ZNF555: variants seen among roughly 807,000 people sequenced by gnomAD.
ZNF555 encodes zinc finger protein 555.
ZNF555 carries 10 observed loss-of-function variants against 14.0 expected under a neutral mutation model. The observed-to-expected ratio is 0.72, with a 90% CI of 0.44 to 1.21. The LOEUF (loss-of-function observed/expected upper bound fraction) is 1.21. ZNF555 is among the 50% of genes most tolerant of loss of function. The pLI, the probability that ZNF555 is intolerant of heterozygous loss-of-function variation, is 0.00. For synonymous variants in ZNF555, 277 were observed against 262.4 expected, an observed-to-expected ratio of 1.06 and a Z score of -0.54; for missense variants, 747 against 762.0, an observed-to-expected ratio of 0.98 and a Z score of 0.23.
chr19:2,844,474 G>A (rs1189843051), intron 1 of ZNF555, among the ~76,000 whole-genome samples: 1 of 152,110 alleles, frequency 6.6e-6, no homozygotes, highest in Non-Finnish European at 1.5e-5. Context: ...CCTGACCTCA[G>A]GTGGCCCGCC....
At chr19:2,852,269 T>C in intron 3 of ZNF555, 111 bp from the exon 4 acceptor site, 2 of 1,300,502 alleles carry the variant, frequency 1.5e-6, no homozygotes, top group South Asian at 2.7e-5. Flanking sequence ...ACAGTTCCCA[T>C]GGGGTGAAAA....
Position 2,852,476 on chromosome 19 carries a change from A to T in ZNF555, c.411A>T (p.Pro137=). Residue 137 remains proline (P), a synonymous_variant, in exon 4 of 4, where the codon CCA becomes CCT. Coordinates refer to ENST00000334241, the MANE Select transcript of ZNF555 (RefSeq NM_152791.5). Reference sequence around the variant, plus strand: ...ATCTTAATCTGTACAAGAAAATTCCACCTGGAGTAAAACAGTATGAATACA... The same window carrying T: ...ATCTTAATCTGTACAAGAAAATTCCTCCTGGAGTAAAACAGTATGAATACA... ...IPHLNLYKKI[P]PGVKQYEYNT... 6.2e-7 allele frequency: 1 copy of T among 1,614,128 alleles called. No individual in the cohort carries two copies. Among genetic ancestry groups the T allele is most frequent in the Non-Finnish European group, 8.5e-7 (1 of 1,180,026 alleles).
At chr19:2,842,479 A>C (rs555141996) in intron 1 of ZNF555, among the ~76,000 whole-genome samples, 137 of 152,330 alleles carry the variant, frequency 9.0e-4, no homozygotes, top group Non-Finnish European at 5.0e-4. Context: ...ACTGACTGCA[A>C]ACGAGGGGGC....
At chr19:2,841,720 C>T (rs11667713) in intron 1 of ZNF555, 145 bp downstream of exon 1, 451,665 of 977,608 alleles carry the variant, frequency 0.46, 106,188 homozygotes, top group South Asian at 0.64. Flanking sequence ...CCGGGGGTCC[C>T]GCCCGGCCCC....
rs918454590 is a variant in ZNF555, at chr19:2,859,060, C to T, written c.*5108C>T. The T allele has an allele frequency of 1.1e-4, 17 of 152,374 alleles. 1 individual carries two copies. Among genetic ancestry groups the T allele is most frequent in the African/African-American group, 2.9e-4 (12 of 41,468 alleles). The allele number at this position is 152,374 out of a possible 1,614,324, so 9.4% of individuals were successfully genotyped here. On this transcript the variant is annotated 3_prime_UTR_variant, in exon 4 of 4. Transcript: ENST00000334241. ...AGCCTCAAAGCGCGCAGCCTCAGCC[C>T]ATTGGCCTGCGGGAAGTGGAGTTCC...
Position 2,854,163 on chromosome 19 carries a change from T to A in ZNF555, c.*211T>A. ...AGTGTATTTTTAATATGCAAGTAGG[T>A]TCAAGTTTTATTTAATTTCTTAAAT... On this transcript the variant is annotated 3_prime_UTR_variant, in exon 4 of 4. Coordinates refer to ENST00000334241, the MANE Select transcript of ZNF555 (RefSeq NM_152791.5). 1 of 573,248 alleles carries A rather than the reference T, an allele frequency of 1.7e-6. No homozygotes were observed. Among genetic ancestry groups the A allele is most frequent in the Admixed American group, 3.6e-5 (1 of 27,594 alleles). 35.5% of individuals were successfully genotyped at this position (573,248 alleles called of 1,614,324 possible).
rs2087722986 is a variant in ZNF555, at chr19:2,860,450, T to G, written c.*6498T>G. 6.6e-6 allele frequency: 1 copy of G among 152,160 alleles called. No homozygotes were observed. Among genetic ancestry groups the G allele is most frequent in the South Asian group, 2.1e-4 (1 of 4,828 alleles). 9.4% of individuals were successfully genotyped at this position (152,160 alleles called of 1,614,324 possible). A position where few individuals can be genotyped will look rare whatever the true frequency, so the allele number is the denominator to read the frequency against. ...GTTGAGAGGCATATATTTATTGCAC[T>G]ATTAAATTCTTCCAAAATATAGTTA... On this transcript the variant is annotated 3_prime_UTR_variant, in exon 4 of 4. Coordinates refer to ENST00000334241, the MANE Select transcript of ZNF555 (RefSeq NM_152791.5).
rs1027277486 is a variant in ZNF555, at chr19:2,859,910, GTTC to G, written c.*5963_*5965del. Reference sequence around the variant, plus strand: ...GCCTGGACATTAAGTATTTCTTGATGTTCTTCTGTGTAACAGGTGATGTCCTAG... The same window carrying G: ...GCCTGGACATTAAGTATTTCTTGATGTTCTGTGTAACAGGTGATGTCCTAG... On this transcript the variant is annotated 3_prime_UTR_variant, in exon 4 of 4. Coordinates refer to ENST00000334241, the MANE Select transcript of ZNF555 (RefSeq NM_152791.5). The G allele has an allele frequency of 2.6e-5, 4 of 152,218 alleles. No homozygotes were observed. The highest frequency in any genetic ancestry group is 9.7e-5 in the African/African-American group (4 of 41,440). The allele number at this position is 152,218 out of a possible 1,614,324, so 9.4% of individuals were successfully genotyped here.
rs1386276888 is a variant in ZNF555, at chr19:2,855,370, G to T, written c.*1418G>T. The stretch of plus-strand genomic sequence containing the variant: ...GTTTGAGACCAGCCTGGTTAACATG[G>T]TGAAACCCTGTCTCTACTAAAAACA... On this transcript the variant is annotated 3_prime_UTR_variant, in exon 4 of 4. Transcript: ENST00000334241. 1 of 152,126 alleles carries T rather than the reference G, an allele frequency of 6.6e-6. No homozygotes were observed. The highest frequency in any genetic ancestry group is 1.5e-5 in the Non-Finnish European group (1 of 68,038). 9.4% of individuals were successfully genotyped at this position (152,126 alleles called of 1,614,324 possible). A position where few individuals can be genotyped will look rare whatever the true frequency, so the allele number is the denominator to read the frequency against.
chr19:2,856,747 G>C lies in ZNF555; in HGVS notation c.*2795G>C, dbSNP rs2087686317. The C allele has an allele frequency of 1.3e-5, 2 of 152,184 alleles. No homozygotes were observed. The highest frequency in any genetic ancestry group is 3.2e-3 in the Middle Eastern group (1 of 316). The allele number at this position is 152,184 out of a possible 1,614,324, so 9.4% of individuals were successfully genotyped here. The stretch of plus-strand genomic sequence containing the variant: ...TTTTGGTGAGCGTTCAAGGAAGCCA[G>C]GCTTTGGTCTGGATTGGATGTTCTC... On this transcript the variant is annotated 3_prime_UTR_variant, in exon 4 of 4. Coordinates refer to ENST00000334241, the MANE Select transcript of ZNF555 (RefSeq NM_152791.5).
intron 3 of ZNF555, 24 bp from the exon 4 acceptor site, chr19:2,852,356 C>T (rs1372928342): frequency 6.2e-7 from 1 of 1,612,830 alleles, no homozygotes; most frequent in Non-Finnish European, 8.5e-7. Context: ...TTAATCAAAC[C>T]AATAACATGC....
chr19:2,849,675 A>G (rs1407033844), intron 1 of ZNF555, among the ~76,000 whole-genome samples: 1 of 148,920 alleles, frequency 6.7e-6, no homozygotes, highest in East Asian at 2.0e-4. Context: ...TTCAGTAGAG[A>G]TGAGGTTTCA....
chr19:2,853,283 T>C lies in ZNF555; in HGVS notation c.1218T>C (p.Ser406=). 1 of 1,614,068 alleles carries C rather than the reference T, an allele frequency of 6.2e-7. No individual in the cohort carries two copies. The highest frequency in any genetic ancestry group is 1.1e-5 in the South Asian group (1 of 91,072). Reference sequence around the variant, plus strand: ...GCAACCAGTGCGGGAAAGCATTCAGTCACCCCTCCTCCTTTCGAGGACACA... The same window carrying C: ...GCAACCAGTGCGGGAAAGCATTCAGCCACCCCTCCTCCTTTCGAGGACACA... ...YECNQCGKAF[S]HPSSFRGHMR... is the part of the protein sequence containing the mutation. Residue 406 remains serine, a synonymous_variant, in exon 4 of 4, where the codon AGT becomes AGC. Transcript: ENST00000334241.
In ZNF555 at chr19:2,854,553, A is replaced by T. The variant is rs2087667736; in HGVS notation, c.*601A>T. On this transcript the variant is annotated 3_prime_UTR_variant, in exon 4 of 4. Coordinates refer to ENST00000334241, the MANE Select transcript of ZNF555 (RefSeq NM_152791.5). ...CATTTCCTTTATGGTTCCATGTCCA[A>T]ATTTACCAATAGCAATAACTTGAAT... The T allele has an allele frequency of 6.5e-6, 1 of 153,368 alleles. No homozygotes were observed. The highest frequency in any genetic ancestry group is 2.4e-5 in the African/African-American group (1 of 41,440). 9.5% of individuals were successfully genotyped at this position (153,368 alleles called of 1,614,324 possible).
At chr19:2,851,297 TG>T (rs2087627990) in intron 2 of ZNF555, among the ~76,000 whole-genome samples, 170 bp from the exon 3 acceptor site, 2 of 120,550 alleles carry the variant, frequency 1.7e-5, no homozygotes, top group African/African-American at 2.9e-5. Flanking sequence ...CGCCTGGCCG[TG>T]AATTTTTTTT....
At chr19:2,844,098 CT>C (rs1215032735) in intron 1 of ZNF555, among the ~76,000 whole-genome samples, 152 of 58,154 alleles carry the variant, frequency 2.6e-3, no homozygotes, top group East Asian at 9.8e-3. Flanking sequence ...TCTCTCTTTT[CT>C]TTTTTTTTTT....
At chr19:2,851,949 G>A (rs761649500) in intron 3 of ZNF555, among the ~76,000 whole-genome samples, 25 of 152,182 alleles carry the variant, frequency 1.6e-4, no homozygotes, top group African/African-American at 5.8e-4. Context: ...ACAGGAGTTC[G>A]AGACCAGCCT....
At chr19:2,848,596 G>A (rs188778196) in intron 1 of ZNF555, among the ~76,000 whole-genome samples, 1 of 150,848 alleles carries the variant, frequency 6.6e-6, no homozygotes, top group East Asian at 2.0e-4. Flanking sequence ...TTACAGGCAC[G>A]TGCCACCACG....
intron 1 of ZNF555, among the ~76,000 whole-genome samples, chr19:2,846,448 G>GCA (rs1055556651): frequency 6.6e-6 from 1 of 152,210 alleles, no homozygotes; most frequent in African/African-American, 2.4e-5. Context: ...GGACCAGCCA[G>GCA]CACCCCTGAT....
Sources: gnomAD v4.1 joint callset for allele counts (sites outside exome capture counted in the v4.1 genomes callset) on GRCh38, gnomAD v4.1.1 for gene constraint, MANE v1.5 for transcripts, NCBI Gene and HGNC (gene_info 2026-07-23, HGNC 2026-07-21) for gene names.